Variants in JPH3 observed in about 807,000 individuals in gnomAD.
JPH3 encodes the protein junctophilin 3, also known as junctophilin-3.
A neutral mutation model predicts 59.6 loss-of-function variants in JPH3; 11 were observed. That is an observed-to-expected ratio of 0.18 (90% CI 0.12 to 0.31). The LOEUF is 0.31. Ranked by LOEUF, JPH3 falls within the 10% of genes least tolerant of loss-of-function variation. The pLI is 1.00. For synonymous variants in JPH3, 673 were observed against 483.6 expected (o/e 1.39, Z -5.14); for missense variants, 1,202 against 1,105.7 (o/e 1.09, Z -1.24).
intron 1 of JPH3, among the ~76,000 whole-genome samples, chr16:87,624,397 C>T (rs773972941): frequency 2.6e-5 from 4 of 152,168 alleles, no homozygotes; most frequent in Non-Finnish European, 4.4e-5. Flanking sequence ...GTTTCGCATG[C>T]GTGGAGTCAT....
intron 2 of JPH3, among the ~76,000 whole-genome samples, chr16:87,656,253 G>A (rs980132829): frequency 4.6e-5 from 7 of 152,188 alleles, no homozygotes; most frequent in South Asian, 2.1e-4. Context: ...CCTTCCAGCC[G>A]AACCCTCAGC....
chr16:87,630,279 G>A (rs2031523253), intron 1 of JPH3, among the ~76,000 whole-genome samples: 1 of 152,134 alleles, frequency 6.6e-6, no homozygotes, highest in Non-Finnish European at 1.5e-5. Context: ...CACCCTAGGG[G>A]GATGGTGTCT....
chr16:87,661,183 G>GCCTCT (rs574092366), intron 2 of JPH3, among the ~76,000 whole-genome samples: 19 of 152,282 alleles, frequency 1.2e-4, no homozygotes, highest in South Asian at 4.1e-4. Flanking sequence ...CAGCGGGGCA[G>GCCTCT]CCTCTCCTCT....
chr16:87,692,976 T>G (rs187147512), intron 4 of JPH3, among the ~76,000 whole-genome samples: 112 of 152,316 alleles, frequency 7.4e-4, no homozygotes, highest in African/African-American at 2.5e-3. Context: ...GTGGGGGAAC[T>G]TTGCACCAGG....
intron 1 of JPH3, among the ~76,000 whole-genome samples, chr16:87,623,658 C>T (rs987339966): frequency 2.6e-5 from 4 of 152,242 alleles, no homozygotes; most frequent in African/African-American, 9.6e-5. Context: ...ACCTCACTCT[C>T]CTCCTTCGGA....
intron 4 of JPH3, chr16:87,695,520 T>G (rs550512445): frequency 3.3e-5 from 15 of 452,938 alleles, no homozygotes; most frequent in South Asian, 2.3e-4. Flanking sequence ...GGCTGCGAGA[T>G]GCAGGGCGTG....
intron 4 of JPH3, chr16:87,695,762 G>A (rs571075342): frequency 4.4e-5 from 20 of 456,100 alleles, no homozygotes; most frequent in East Asian, 6.9e-5. Context: ...ACAGCAGAGT[G>A]CAGGACTGCA....
At chr16:87,649,850 A>G (rs1177809681) in intron 2 of JPH3, among the ~76,000 whole-genome samples, 2 of 152,194 alleles carry the variant, frequency 1.3e-5, no homozygotes, top group Non-Finnish European at 2.9e-5. Flanking sequence ...GGGGTGGCCC[A>G]TGTGAAAGCT....
At position 87,690,243 on chromosome 16, in the gene JPH3, G is replaced by A. The variant is rs761773582; in HGVS notation, c.1883G>A (p.Arg628Lys). The change falls in exon 4 of 5, where the codon AGA becomes AAA. Residue 628 changes from arginine to lysine, a missense_variant. By Grantham distance (26) the Arg-to-Lys change is conservative (BLOSUM62 2). Coordinates refer to ENST00000284262, the MANE Select transcript of JPH3 (RefSeq NM_020655.4). ...AGGATGGAGACGCATCCCCAGAAAA[G>A]ACGCTACAGCAAGGGCGGCGCCTGC... ...LLRMETHPQK[R>K]RYSKGGACRG... 7.5e-6 allele frequency: 12 copies of A among 1,605,020 alleles called. No individual in the cohort carries two copies. The African/African-American group carries it at 1.5e-4, about 20-fold the overall frequency.
At chr16:87,648,719 G>T (rs879575180) in intron 2 of JPH3, among the ~76,000 whole-genome samples, 24 of 152,182 alleles carry the variant, frequency 1.6e-4, no homozygotes, top group Non-Finnish European at 3.2e-4. Context: ...GGGTTCTAAG[G>T]CACAGGATGG....
intron 3 of JPH3, among the ~76,000 whole-genome samples, chr16:87,687,724 G>A (rs1472991859): frequency 6.6e-6 from 1 of 152,168 alleles, no homozygotes; most frequent in Non-Finnish European, 1.5e-5. Flanking sequence ...TCTAGCTGAG[G>A]GTGCCCTCCT....
chr16:87,677,761 G>A (rs1197648872), intron 2 of JPH3, among the ~76,000 whole-genome samples: 1 of 152,214 alleles, frequency 6.6e-6, no homozygotes. Context: ...TCATTCATTT[G>A]TTCAGCTGAA....
intron 1 of JPH3, among the ~76,000 whole-genome samples, chr16:87,643,339 C>G (rs2032018025): frequency 6.6e-6 from 1 of 152,232 alleles, no homozygotes. Context: ...GGAAACAGTG[C>G]TGCTGAGAAC....
intron 2 of JPH3, among the ~76,000 whole-genome samples, chr16:87,678,476 T>C (rs1469181494): frequency 6.6e-6 from 1 of 151,192 alleles, no homozygotes; most frequent in African/African-American, 2.4e-5. Flanking sequence ...GAGAAAGAGG[T>C]TGCAGTGAGC....
At chr16:87,644,157 G>A (rs76960347) in intron 1 of JPH3, 101 bp from the exon 2 acceptor site, 19,906 of 1,255,032 alleles carry the variant, frequency 0.016, 218 homozygotes, top group Non-Finnish European at 0.018. Context: ...AAAACAACAG[G>A]AAGCTCAGAC....
chr16:87,613,569 C>A (rs1288446749), intron 1 of JPH3, among the ~76,000 whole-genome samples: 1 of 152,172 alleles, frequency 6.6e-6, no homozygotes, highest in African/African-American at 2.4e-5. Context: ...GATCCGCCCA[C>A]CTCAGCCTCT....
At chr16:87,604,949 A>G (rs140214660) in intron 1 of JPH3, 219 of 453,580 alleles carry the variant, frequency 4.8e-4, no homozygotes, top group Non-Finnish European at 7.9e-4. Context: ...GCGGGAGCAG[A>G]CGGTGCTCCC....
Position 87,603,117 on chromosome 16 carries a change from G to A in JPH3, c.-30G>A, listed in dbSNP as rs776383246. ...TCGATCGCCTGAGTCCGTTTTCACC[G>A]TTTGCGGGATCTGGAACCGAGTTAC... is the stretch of plus-strand genomic sequence containing the variant. On this transcript the variant is annotated 5_prime_UTR_variant, in exon 1 of 5. Transcript: ENST00000284262. 6.8e-6 allele frequency: 11 copies of A among 1,613,678 alleles called. No homozygotes were observed. Among genetic ancestry groups the A allele is most frequent in the Admixed American group, 1.7e-5 (1 of 60,022 alleles).
chr16:87,657,346 C>T (rs2032536948), intron 2 of JPH3, among the ~76,000 whole-genome samples: 1 of 152,128 alleles, frequency 6.6e-6, no homozygotes, highest in Non-Finnish European at 1.5e-5. Context: ...ATCTCTAGAA[C>T]AGGGAGATTC....
Sources: allele counts gnomAD v4.1 joint callset (sites outside exome capture counted in the v4.1 genomes callset), GRCh38; gene constraint gnomAD v4.1.1; transcripts MANE v1.5; gene names NCBI Gene and HGNC (gene_info 2026-07-23, HGNC 2026-07-21).